Variants in PER3 observed in about 807,000 individuals in gnomAD.
PER3 encodes period circadian protein homolog 3.
In PER3, 107 loss-of-function variants were observed where a neutral mutation model predicts 127.2. That is an observed-to-expected ratio of 0.84 (90% confidence interval 0.72 to 0.99). The LOEUF (loss-of-function observed/expected upper bound fraction) is 0.99, where lower values mean the gene tolerates loss of function less well. Ranked by LOEUF, PER3 falls within the 50% of genes least tolerant of loss-of-function variation. The pLI, the probability that PER3 is intolerant of heterozygous loss-of-function variation, is 0.00. For missense variants in PER3, 1,560 were observed against 1,525.8 expected (o/e 1.02, Z -0.37); for synonymous variants, 618 against 585.8 (o/e 1.05, Z -0.79).
chr1:7,830,874 A>G lies in PER3; in HGVS notation c.3214+713A>G, dbSNP rs752582424. 3.9e-5 allele frequency among the ~76,000 whole-genome samples: 6 copies of G among 152,324 alleles called. No homozygotes were observed. In the East Asian group the frequency reaches 1.2e-3, roughly 29 times the overall value. On this transcript the variant is annotated intron_variant, in intron 19 of 21. Coordinates refer to ENST00000377532, the MANE Select transcript of PER3 (RefSeq NM_001377275.1). ...CAATACCACACTCTTAAGTAATGTA[A>G]CTTTCAAGTAAGTCTTGAAGCGTGG...
intron 7 of PER3, 151 bp from the exon 8 acceptor site, chr1:7,800,962 T>C (rs1246500814): frequency 1.6e-6 from 1 of 609,328 alleles, no homozygotes; most frequent in East Asian, 3.0e-5. Context: ...CATTTAACTG[T>C]AGCTTTGGCT....
At position 7,784,783 on chromosome 1, in the gene PER3, A is replaced by C; in HGVS notation, c.-95A>C. 1.6e-6 allele frequency: 2 copies of C among 1,276,118 alleles called. No homozygotes were observed. Among genetic ancestry groups the C allele is most frequent in the Non-Finnish European group, 2.0e-6 (2 of 987,422 alleles). The allele number at this position is 1,276,118 out of a possible 1,614,324, so 79.0% of individuals were successfully genotyped here. A position where few individuals can be genotyped will look rare whatever the true frequency, so the allele number is the denominator to read the frequency against. On this transcript the variant is annotated 5_prime_UTR_variant, in exon 2 of 22. Transcript: ENST00000377532. ...TCACTAACGCCATGGCGGGGACCGG[A>C]GTGAGAAACCGGTGTCTGTCACTGA...
At chr1:7,819,264 C>T (rs775870319) in intron 13 of PER3, 21 bp from the exon 14 acceptor site, 14 of 1,602,514 alleles carry the variant, frequency 8.7e-6, no homozygotes, top group South Asian at 1.1e-5. Flanking sequence ...TTTAATTGCA[C>T]ATCCCTTTAT....
intron 6 of PER3, among the ~76,000 whole-genome samples, chr1:7,797,999 T>C (rs899005978): frequency 6.6e-6 from 1 of 152,180 alleles, no homozygotes; most frequent in African/African-American, 2.4e-5. Context: ...GCCTCAACTT[T>C]TTCTTTCCTC....
At chr1:7,806,525 C>T (rs773943276) in intron 10 of PER3, among the ~76,000 whole-genome samples, 7 of 151,928 alleles carry the variant, frequency 4.6e-5, no homozygotes, top group African/African-American at 7.3e-5. Flanking sequence ...TAGTGTCTTA[C>T]GCTTATAATC....
intron 19 of PER3, among the ~76,000 whole-genome samples, chr1:7,835,059 T>C (rs1379365656): frequency 6.6e-6 from 1 of 152,140 alleles, no homozygotes; most frequent in Non-Finnish European, 1.5e-5. Context: ...TTAATTTGCT[T>C]TCTGATGGCT....
chr1:7,787,003 A>G lies in PER3; in HGVS notation c.390+167A>G, dbSNP rs116273542. Among the ~76,000 whole-genome samples, 666 of 152,320 alleles carry G rather than the reference A, an allele frequency of 4.4e-3. 5 individuals are homozygous for G. The highest frequency in any genetic ancestry group is 0.015 in the African/African-American group (609 of 41,566). On this transcript the variant is annotated intron_variant, in intron 4 of 21. Coordinates refer to ENST00000377532, the MANE Select transcript of PER3 (RefSeq NM_001377275.1). The stretch of plus-strand genomic sequence containing the variant: ...GGTGTAGCTTCTCCGCCCTTGCCAG[A>G]GAAAACATCTAAAAGCAGAAGCAGC...
intron 21 of PER3, among the ~76,000 whole-genome samples, chr1:7,842,374 C>A (rs1450698089): frequency 5.3e-5 from 8 of 151,938 alleles, no homozygotes; most frequent in Non-Finnish European, 2.9e-5. Context: ...GTGGTGGGCA[C>A]CTGTGGTCCC....
Position 7,827,174 on chromosome 1 carries a change from C to G in PER3, c.2245C>G (p.Arg749Gly), listed in dbSNP as rs35687686. ...SAGCRKGKHK[R>G]KKLPEPPDSS... ...CGGCTGCAGGAAAGGGAAGCACAAG[C>G]GGAAGAAGCTGCCGGAGCCGCCAGA... The change falls in exon 18 of 22, where the codon CGG becomes GGG. Residue 749 changes from arginine (R) to glycine (G), a missense_variant. Transcript: ENST00000377532. 7 of 1,612,032 alleles carry G rather than the reference C, an allele frequency of 4.3e-6. No homozygotes were observed. The Admixed American group carries it at 1.2e-4, about 27-fold the overall frequency.
At chr1:7,828,957 G>C (rs1318008853) in intron 18 of PER3, among the ~76,000 whole-genome samples, 7 of 152,150 alleles carry the variant, frequency 4.6e-5, no homozygotes, top group Non-Finnish European at 1.0e-4. Context: ...AACTACTTGT[G>C]GGGTGCCTGG....
At chr1:7,823,649 CAA>C (rs1049511155) in intron 16 of PER3, among the ~76,000 whole-genome samples, 1 of 117,322 alleles carries the variant, frequency 8.5e-6, no homozygotes, top group Admixed American at 8.7e-5. Flanking sequence ...AACTCCATCT[CAA>C]AAAAAAAAAA....
At chr1:7,809,666 G>A (rs1337413159) in intron 11 of PER3, among the ~76,000 whole-genome samples, 1 of 152,134 alleles carries the variant, frequency 6.6e-6, no homozygotes, top group Non-Finnish European at 1.5e-5. Flanking sequence ...TGTTGTCCTG[G>A]AAATACCTAC....
In PER3 at chr1:7,820,213, A is replaced by G; in HGVS notation, c.1757A>G (p.Lys586Arg). The G allele has an allele frequency of 5.0e-6, 8 of 1,614,034 alleles. No homozygotes were observed. The highest frequency in any genetic ancestry group is 6.8e-6 in the Non-Finnish European group (8 of 1,179,910). The change falls in exon 15 of 22, where the codon AAG becomes AGG. Residue 586 changes from lysine (K) to arginine (R), a missense_variant. Physicochemically the swap from Lys to Arg is conservative, Grantham distance 26. Around this residue, in one of 3 missense-constraint regions of PER3, gnomAD observed 1,332 missense variants for 1,223.6 expected, o/e 1.09. Coordinates refer to ENST00000377532, the MANE Select transcript of PER3 (RefSeq NM_001377275.1). ...SSSEEDKQNH[K>R]ADDVQALQAG... ...TCAGAAGAAGACAAACAGAACCACA[A>G]GGCAGATGATGTCCAAGCCTTACAA...
intron 10 of PER3, among the ~76,000 whole-genome samples, chr1:7,806,131 T>G (rs1383925919): frequency 6.6e-6 from 1 of 152,174 alleles, no homozygotes; most frequent in Non-Finnish European, 1.5e-5. Context: ...AAAATGGCAC[T>G]GTCATATATA....
chr1:7,785,395 C>T (rs757016220), intron 2 of PER3, 46 bp from the exon 3 acceptor site: 3 of 1,504,606 alleles, frequency 2.0e-6, no homozygotes, highest in Non-Finnish European at 2.8e-6. Flanking sequence ...CCGCAAGATG[C>T]TGTTGTCTTC....
At chr1:7,833,622 T>C (rs1350913975) in intron 19 of PER3, among the ~76,000 whole-genome samples, 2 of 152,222 alleles carry the variant, frequency 1.3e-5, no homozygotes, top group African/African-American at 4.8e-5. Flanking sequence ...CTTATCTGTG[T>C]CTTTATATTT....
Position 7,827,717 on chromosome 1 carries a change from A to C in PER3, c.2788A>C (p.Ser930Arg). 1 of 1,614,176 alleles carries C rather than the reference A, an allele frequency of 6.2e-7. No individual in the cohort carries two copies. Among genetic ancestry groups the C allele is most frequent in the Non-Finnish European group, 8.5e-7 (1 of 1,180,022 alleles). Residue 930 changes from serine to arginine, a missense_variant, in exon 18 of 22, where the codon AGC becomes CGC. Ser to Arg is a moderately radical substitution (Grantham distance 110). Coordinates refer to ENST00000377532, the MANE Select transcript of PER3 (RefSeq NM_001377275.1). ...EGHPFITSRSSSPLQLNLLQE... is the reference protein window; with the variant it reads ...EGHPFITSRSRSPLQLNLLQE... The stretch of plus-strand genomic sequence containing the variant: ...GCACCCGTTCATTACTTCGAGAAGC[A>C]GCTCACCCTTGCAGTTAAACTTACT...
At chr1:7,821,288 T>A (rs188700513) in intron 16 of PER3, among the ~76,000 whole-genome samples, 1 of 152,356 alleles carries the variant, frequency 6.6e-6, no homozygotes, top group African/African-American at 2.4e-5. Flanking sequence ...TTCAGTGGCT[T>A]ATCAGCTAAT....
intron 16 of PER3, among the ~76,000 whole-genome samples, chr1:7,823,326 A>G (rs1240882684): frequency 6.6e-6 from 1 of 152,228 alleles, no homozygotes; most frequent in Non-Finnish European, 1.5e-5. Flanking sequence ...TCATAAATGT[A>G]TATTCATTAA....
Sources: allele counts gnomAD v4.1 joint callset (sites outside exome capture counted in the v4.1 genomes callset), GRCh38; gene constraint gnomAD v4.1.1; regional missense constraint gnomAD v4.1.1; transcripts MANE v1.5; gene names NCBI Gene and HGNC (gene_info 2026-07-23, HGNC 2026-07-21).